Variants in YPEL1 observed in about 807,000 individuals in gnomAD.
YPEL1 encodes the protein yippee like 1.
A neutral mutation model predicts 17.3 loss-of-function variants in YPEL1; 7 were observed. The observed-to-expected ratio is 0.40, with a 90% CI of 0.23 to 0.76. YPEL1 has a LOEUF of 0.76. Ranked by LOEUF, YPEL1 falls within the 30% of genes least tolerant of loss-of-function variation. YPEL1 has a pLI of 0.35. For synonymous variants in YPEL1, 59 were observed against 59.6 expected (o/e 0.99, Z 0.05); for missense variants, 91 against 155.5 (o/e 0.59, Z 2.21).
intron 1 of YPEL1, among the ~76,000 whole-genome samples, chr22:21,713,653 G>C (rs893252936): frequency 2.0e-5 from 3 of 152,182 alleles, no homozygotes; most frequent in Non-Finnish European, 4.4e-5. Context: ...TTGGAGGGTG[G>C]CGATGGCTGT....
Position 21,703,690 on chromosome 22 carries a change from G to GC in YPEL1, c.161+148dup, listed in dbSNP as rs1370625001. On this transcript the variant is annotated intron_variant, in intron 3 of 4. Transcript: ENST00000339468. The surrounding 1 kb of genome is among the most constrained non-coding windows in gnomAD (Gnocchi z 6.1). ...GACAGGCTAGGGGGCAAGATCCTTAGCGCGTTTCAGAAACTCCCGGCGGGG... is the reference window on the plus strand; with the variant it reads ...GACAGGCTAGGGGGCAAGATCCTTAGCCGCGTTTCAGAAACTCCCGGCGGGG... 1 of 885,526 alleles carries GC rather than the reference G, an allele frequency of 1.1e-6. No homozygotes were observed. Among genetic ancestry groups the GC allele is most frequent in the African/African-American group, 1.7e-5 (1 of 57,580 alleles). 54.9% of individuals were successfully genotyped at this position (885,526 alleles called of 1,614,324 possible).
At chr22:21,709,714 C>T (rs535417210) in intron 2 of YPEL1, among the ~76,000 whole-genome samples, 1 of 152,190 alleles carries the variant, frequency 6.6e-6, no homozygotes, top group South Asian at 2.1e-4. Context: ...GTGGTCGTGA[C>T]CTGTGAAGAT....
At chr22:21,728,956 A>G (rs2068361959) in intron 1 of YPEL1, among the ~76,000 whole-genome samples, 1 of 152,200 alleles carries the variant, frequency 6.6e-6, no homozygotes, top group Non-Finnish European at 1.5e-5. Context: ...CAGCCTGGCC[A>G]ACATGGTGAA....
intron 2 of YPEL1, among the ~76,000 whole-genome samples, chr22:21,709,847 G>T (rs1328280022): frequency 2.6e-5 from 4 of 151,252 alleles, no homozygotes; most frequent in Non-Finnish European, 5.9e-5. Flanking sequence ...CATGAATTGA[G>T]CATGGGGGAG....
intron 1 of YPEL1, among the ~76,000 whole-genome samples, chr22:21,715,528 A>G (rs2068212830): frequency 1.3e-5 from 2 of 151,976 alleles, no homozygotes; most frequent in Non-Finnish European, 2.9e-5. Flanking sequence ...ACAAACAAAA[A>G]AACCCCACGC....
intron 4 of YPEL1, among the ~76,000 whole-genome samples, chr22:21,701,723 C>A (rs974524029): frequency 6.6e-6 from 1 of 152,226 alleles, no homozygotes; most frequent in African/African-American, 2.4e-5. Flanking sequence ...CCGTGCATAA[C>A]TAGCGTGAAG....
rs566502265 is a variant in YPEL1, at chr22:21,701,009, C to T, written c.*120G>A. On this transcript the variant is annotated 3_prime_UTR_variant, in exon 5 of 5. Coordinates refer to ENST00000339468, the MANE Select transcript of YPEL1 (RefSeq NM_013313.5). ...ATGGCCGAGAGTGTCAAGAGCTATG[C>T]GCAGCTAGCCTTTGAGGTCAGAGGG... 3.8e-5 allele frequency: 31 copies of T among 808,370 alleles called. No individual in the cohort carries two copies. Among genetic ancestry groups the T allele is most frequent in the Non-Finnish European group, 5.5e-5 (27 of 492,310 alleles). 50.1% of individuals were successfully genotyped at this position (808,370 alleles called of 1,614,324 possible). A position where few individuals can be genotyped will look rare whatever the true frequency, so the allele number is the denominator to read the frequency against.
At chr22:21,701,297 C>A (rs1444217166) in intron 4 of YPEL1, 79 bp from the exon 5 acceptor site, 9 of 1,048,618 alleles carry the variant, frequency 8.6e-6, no homozygotes, top group Admixed American at 2.0e-5. Context: ...AAAAACCCCC[C>A]CCAAGTCTAT....
Position 21,725,258 on chromosome 22 carries a change from C to T in YPEL1, c.-165+10357G>A, listed in dbSNP as rs113230119. ...TTTTTGAGACGGAGTCTCACTCTGT[C>T]GCCCAGGCTGGAGTGCAGTGGTGCA... is the stretch of plus-strand genomic sequence containing the variant. On this transcript the variant is annotated intron_variant, in intron 1 of 4. Coordinates refer to ENST00000339468, the MANE Select transcript of YPEL1 (RefSeq NM_013313.5). Among the ~76,000 whole-genome samples the T allele has an allele frequency of 4.0e-3, 581 of 144,284 alleles. 1 individual carries two copies. Among genetic ancestry groups the T allele is most frequent in the Non-Finnish European group, 6.3e-3 (420 of 66,446 alleles). The allele number at this position is 144,284 out of a possible 152,430, so 94.7% of individuals were successfully genotyped here. A position where few individuals can be genotyped will look rare whatever the true frequency, so the allele number is the denominator to read the frequency against.
At chr22:21,721,265 A>T (rs1353236957) in intron 1 of YPEL1, among the ~76,000 whole-genome samples, 1 of 151,796 alleles carries the variant, frequency 6.6e-6, no homozygotes, top group Non-Finnish European at 1.5e-5. Flanking sequence ...GGCGTGTGCC[A>T]CCACGCCCGG....
chr22:21,729,884 A>C (rs536985047), intron 1 of YPEL1, among the ~76,000 whole-genome samples: 9 of 152,308 alleles, frequency 5.9e-5, no homozygotes, highest in African/African-American at 1.9e-4. Flanking sequence ...ACGGTGGCTC[A>C]CATCTGTAAT....
chr22:21,718,184 C>G (rs1410802165), intron 1 of YPEL1, among the ~76,000 whole-genome samples: 1 of 151,268 alleles, frequency 6.6e-6, no homozygotes, highest in Non-Finnish European at 1.5e-5. Flanking sequence ...GAGTCTGAGT[C>G]TGGGTGCAGT....
chr22:21,710,813 G>A lies in YPEL1; in HGVS notation c.-69C>T, dbSNP rs2068157192. Reference sequence around the variant, plus strand: ...GAACCGTGGCTCTGCTGGCCTCTCTGACAAAAGCAACACTGGAAAATGCAC... The same window carrying A: ...GAACCGTGGCTCTGCTGGCCTCTCTAACAAAAGCAACACTGGAAAATGCAC... On this transcript the variant is annotated 5_prime_UTR_variant, in exon 2 of 5. Coordinates refer to ENST00000339468, the MANE Select transcript of YPEL1 (RefSeq NM_013313.5). The A allele has an allele frequency of 7.2e-7, 1 of 1,393,904 alleles. No individual in the cohort carries two copies. Among genetic ancestry groups the A allele is most frequent in the East Asian group, 2.3e-5 (1 of 43,786 alleles). 86.3% of individuals were successfully genotyped at this position (1,393,904 alleles called of 1,614,324 possible).
chr22:21,708,967 C>T (rs1412418059), intron 2 of YPEL1, among the ~76,000 whole-genome samples: 4 of 152,178 alleles, frequency 2.6e-5, no homozygotes, highest in Non-Finnish European at 5.9e-5. Flanking sequence ...AGCCACCACG[C>T]CCAGCTGATA....
chr22:21,713,362 T>C (rs1382632064), intron 1 of YPEL1, among the ~76,000 whole-genome samples: 1 of 152,104 alleles, frequency 6.6e-6, no homozygotes, highest in Admixed American at 6.6e-5. Flanking sequence ...GAAGCAACAG[T>C]GTGTCCCTCC....
At chr22:21,706,368 G>A (rs1234644056) in intron 2 of YPEL1, among the ~76,000 whole-genome samples, 5 of 151,436 alleles carry the variant, frequency 3.3e-5, no homozygotes, top group Non-Finnish European at 5.9e-5. Context: ...CCGGGAGGCA[G>A]AGGTTGCAGT....
chr22:21,727,021 C>CT, intron 1 of YPEL1, among the ~76,000 whole-genome samples: 1 of 152,150 alleles, frequency 6.6e-6, no homozygotes, highest in Non-Finnish European at 1.5e-5. Flanking sequence ...TTCGCATGGG[C>CT]TTTATTTGGA....
intron 1 of YPEL1, among the ~76,000 whole-genome samples, chr22:21,719,300 A>G (rs1448580814): frequency 6.6e-6 from 1 of 152,222 alleles, no homozygotes; most frequent in African/African-American, 2.4e-5. Context: ...CATGGAAGGA[A>G]GCGTTCTGAC....
intron 1 of YPEL1, among the ~76,000 whole-genome samples, chr22:21,716,444 C>A (rs1172159977): frequency 6.6e-6 from 1 of 152,276 alleles, no homozygotes; most frequent in Non-Finnish European, 1.5e-5. Flanking sequence ...CCGCTCTTGC[C>A]CTGAAAACAT....
Sources: allele counts gnomAD v4.1 joint callset (sites outside exome capture counted in the v4.1 genomes callset), GRCh38; gene constraint gnomAD v4.1.1; non-coding constraint Gnocchi (gnomAD v3.1); transcripts MANE v1.5; gene names NCBI Gene and HGNC (gene_info 2026-07-23, HGNC 2026-07-21).